Variants in PDE1A observed in about 807,000 individuals in gnomAD.
The protein encoded by PDE1A is phosphodiesterase 1A.
PDE1A carries 35 observed loss-of-function variants against 61.7 expected under a neutral mutation model. That is an observed-to-expected ratio of 0.57 (90% CI 0.43 to 0.75). The LOEUF is 0.75. Ranked by LOEUF, PDE1A falls within the 30% of genes least tolerant of loss-of-function variation. PDE1A has a pLI of 0.00. For synonymous variants in PDE1A, 232 were observed against 213.2 expected, an observed-to-expected ratio of 1.09 and a Z score of -0.77; for missense variants, 597 against 630.6, an observed-to-expected ratio of 0.95 and a Z score of 0.57.
Position 182,170,149 on chromosome 2 carries a change from G to A in PDE1A, c.1517-1859C>T, listed in dbSNP as rs1399266675. ...TTCTAGAACATGATACAGGTTACTGGTTTTGAATTTGGGCAAAATAGATGA... is the reference window on the plus strand; with the variant it reads ...TTCTAGAACATGATACAGGTTACTGATTTTGAATTTGGGCAAAATAGATGA... On this transcript the variant is annotated intron_variant, in intron 13 of 13. Coordinates refer to ENST00000351439, the Ensembl canonical transcript of PDE1A. Among the ~76,000 whole-genome samples, 3 of 151,988 alleles carry A rather than the reference G, an allele frequency of 2.0e-5. No individual in the cohort carries two copies. In the East Asian group the frequency reaches 5.8e-4, roughly 29 times the overall value.
chr2:182,430,775 C>T (rs1703896997), upstream of PDE1A, among the ~76,000 whole-genome samples: 1 of 134,768 alleles, frequency 7.4e-6, no homozygotes, highest in African/African-American at 2.6e-5. Context: ...TACTATGCAG[C>T]CATAAAAAAT....
Position 182,167,900 on chromosome 2 carries a change from C to A in PDE1A, c.*347G>T, listed in dbSNP as rs1290196834. The A allele has an allele frequency of 1.5e-5, 16 of 1,069,830 alleles. No individual in the cohort carries two copies. The South Asian group carries it at 6.3e-4, about 42-fold the overall frequency. 66.3% of individuals were successfully genotyped at this position (1,069,830 alleles called of 1,614,324 possible). The stretch of plus-strand genomic sequence containing the variant: ...ACAATCTAAGGTGAAAACAGGTGGA[C>A]CAAGCTTTATTGTAGAAATGACAAA... On this transcript the variant is annotated 3_prime_UTR_variant, in exon 14 of 14. Transcript: ENST00000351439.
At chr2:182,288,918 A>G (rs1244467714) in intron 1 of PDE1A, among the ~76,000 whole-genome samples, 1 of 152,024 alleles carries the variant, frequency 6.6e-6, no homozygotes, top group East Asian at 1.9e-4. Context: ...CTGGTTTAAG[A>G]TTTTTCTTTT....
At chr2:182,658,741 T>C in the PDE1A span, among the ~76,000 whole-genome samples, 12 of 152,214 alleles carry the variant, frequency 7.9e-5, no homozygotes, top group Non-Finnish European at 1.3e-4. Context: ...TGTACACAAA[T>C]AGTATAAGTT....
At chr2:182,473,316 G>T (rs1442877678) in intron 2 of PDE1A, among the ~76,000 whole-genome samples, 2 of 151,780 alleles carry the variant, frequency 1.3e-5, no homozygotes, top group African/African-American at 4.8e-5. Flanking sequence ...CACAGCAAAA[G>T]AAACTACCAT....
At chr2:182,242,112 A>G in intron 2 of PDE1A, 1 of 1,248,736 alleles carries the variant, frequency 8.0e-7, no homozygotes, top group Non-Finnish European at 1.0e-6. Flanking sequence ...ACTGCAGCCT[A>G]GTTTTGTCAG....
At chr2:182,204,255 C>T (rs1686908140) in intron 8 of PDE1A, among the ~76,000 whole-genome samples, 1 of 152,200 alleles carries the variant, frequency 6.6e-6, no homozygotes, top group Non-Finnish European at 1.5e-5. Context: ...CAGAACTTGT[C>T]TGCTTGTTCC....
At chr2:182,143,630 C>T (rs1160787072), downstream of PDE1A, among the ~76,000 whole-genome samples, 1 of 152,074 alleles carries the variant, frequency 6.6e-6, no homozygotes, top group South Asian at 2.1e-4. Flanking sequence ...ATTCTCCTGC[C>T]TCAGCCTCCC....
chr2:182,179,020 G>A (rs112343832), intron 13 of PDE1A, among the ~76,000 whole-genome samples: 6 of 152,226 alleles, frequency 3.9e-5, no homozygotes, highest in African/African-American at 1.4e-4. Context: ...TCTAAAGAAG[G>A]AGGAAAGAGA....
chr2:182,288,152 C>G (rs1694290321), intron 1 of PDE1A, among the ~76,000 whole-genome samples: 1 of 152,070 alleles, frequency 6.6e-6, no homozygotes, highest in Admixed American at 6.6e-5. Context: ...TATTTTATTT[C>G]CTTCCAATAG....
chr2:182,227,131 T>C (rs1221818569), intron 6 of PDE1A, among the ~76,000 whole-genome samples: 1 of 151,986 alleles, frequency 6.6e-6, no homozygotes, highest in East Asian at 1.9e-4. Context: ...TTTCAACGGA[T>C]CACAATAGCA....
the PDE1A span, among the ~76,000 whole-genome samples, chr2:182,553,983 C>T: frequency 6.6e-6 from 1 of 152,198 alleles, no homozygotes; most frequent in Non-Finnish European, 1.5e-5. Flanking sequence ...CAATGGAAAT[C>T]ATCACAGACT....
intron 1 of PDE1A, among the ~76,000 whole-genome samples, chr2:182,275,032 A>G (rs1409443712): frequency 6.6e-6 from 1 of 152,160 alleles, no homozygotes; most frequent in Non-Finnish European, 1.5e-5. Flanking sequence ...CTGAACATTT[A>G]AAACTAAGTT....
chr2:182,211,413 A>G (rs1243210278), intron 7 of PDE1A, among the ~76,000 whole-genome samples: 2 of 152,134 alleles, frequency 1.3e-5, no homozygotes, highest in Non-Finnish European at 2.9e-5. Context: ...TGTCTTGATT[A>G]CTGTGGTTTT....
chr2:182,152,701 G>C (rs982977818), intron 13 of PDE1A, among the ~76,000 whole-genome samples: 6 of 152,250 alleles, frequency 3.9e-5, no homozygotes, highest in African/African-American at 1.2e-4. Context: ...GATTACAGGT[G>C]TGAGCCACTG....
chr2:182,421,957 A>G (rs760454231), intron 1 of PDE1A, among the ~76,000 whole-genome samples: 1 of 152,212 alleles, frequency 6.6e-6, no homozygotes, highest in Non-Finnish European at 1.5e-5. Flanking sequence ...TGAAGAAAAT[A>G]TGCCTGCCAA....
intron 1 of PDE1A, among the ~76,000 whole-genome samples, chr2:182,336,428 C>T (rs1697816139): frequency 6.6e-6 from 1 of 152,128 alleles, no homozygotes; most frequent in African/African-American, 2.4e-5. Context: ...ACATGGAATA[C>T]TATGCAGCCA....
chr2:182,237,370 C>T (rs527632417), intron 3 of PDE1A, among the ~76,000 whole-genome samples: 2 of 152,154 alleles, frequency 1.3e-5, no homozygotes, highest in South Asian at 4.2e-4. Context: ...GTGGCATGCG[C>T]CTGTAATCCC....
At chr2:182,409,499 C>T (rs1702489504) in intron 1 of PDE1A, among the ~76,000 whole-genome samples, 1 of 152,192 alleles carries the variant, frequency 6.6e-6, no homozygotes, top group Non-Finnish European at 1.5e-5. Flanking sequence ...ACACAACATA[C>T]ATTCTAGTGG....
Sources: gnomAD v4.1 joint callset for allele counts (sites outside exome capture counted in the v4.1 genomes callset) on GRCh38, gnomAD v4.1.1 for gene constraint, MANE v1.5 for transcripts, NCBI Gene and HGNC (gene_info 2026-07-23, HGNC 2026-07-21) for gene names.